Variants in CNGB1 observed in about 807,000 individuals in gnomAD.
The protein encoded by CNGB1 is cyclic nucleotide-gated channel beta-1.
In CNGB1, 126 loss-of-function variants were observed where a neutral mutation model predicts 151.7. The observed-to-expected ratio is 0.83, with a 90% CI of 0.72 to 0.96. CNGB1 has a LOEUF of 0.96. CNGB1 is among the 40% of genes least tolerant of loss of function. The pLI, the probability that CNGB1 is intolerant of heterozygous loss-of-function variation, is 0.00. For missense variants in CNGB1, 1,698 were observed against 1,627.0 expected, an observed-to-expected ratio of 1.04 and a Z score of -0.75; for synonymous variants, 623 against 635.1, an observed-to-expected ratio of 0.98 and a Z score of 0.29.
chr16:57,938,432 T>C (rs2149375467), intron 16 of CNGB1, among the ~76,000 whole-genome samples: 1 of 152,322 alleles, frequency 6.6e-6, no homozygotes, highest in South Asian at 2.1e-4. Flanking sequence ...CTCGTCCCAA[T>C]ATTGACTCCT....
chr16:57,903,428 G>A (rs1442886171), intron 27 of CNGB1, among the ~76,000 whole-genome samples: 2 of 151,968 alleles, frequency 1.3e-5, no homozygotes, highest in Admixed American at 6.6e-5. Flanking sequence ...GGAGATGGAG[G>A]TTGCAGTGAG....
At chr16:57,939,403 A>G (rs1389882877) in intron 16 of CNGB1, 27 bp downstream of exon 16, 3 of 1,613,582 alleles carry the variant, frequency 1.9e-6, no homozygotes. Context: ...TTCTTGCGCA[A>G]CCCATCACCA....
At position 57,957,310 on chromosome 16, in the gene CNGB1, G is replaced by A. The variant is rs372145777; in HGVS notation, c.874+31C>T. On this transcript the variant is annotated intron_variant, in intron 12 of 32. Transcript: ENST00000251102. ...GACACCAAGCAACCCTTCCTAATAT[G>A]TACATGGGGACTCAGTAATGTGTCA... 1.2e-4 allele frequency: 191 copies of A among 1,607,342 alleles called. 1 individual carries two copies. The highest frequency in any genetic ancestry group is 1.6e-4 in the Non-Finnish European group (185 of 1,173,902).
chr16:57,935,652 C>A (rs574563986), intron 16 of CNGB1, among the ~76,000 whole-genome samples: 11 of 150,244 alleles, frequency 7.3e-5, no homozygotes, highest in East Asian at 3.9e-4. Context: ...CGTCCCCCCC[C>A]AAAAAAAAAT....
At chr16:57,964,082 A>C in intron 4 of CNGB1, 48 bp downstream of exon 4, 1 of 1,551,454 alleles carries the variant, frequency 6.4e-7, no homozygotes, top group Non-Finnish European at 8.9e-7. Flanking sequence ...CTGGGAGGGT[A>C]GTTGGGAGGC....
chr16:57,969,556 T>C (rs1440564252), intron 1 of CNGB1, among the ~76,000 whole-genome samples: 2 of 152,014 alleles, frequency 1.3e-5, no homozygotes, highest in Admixed American at 1.3e-4. Context: ...AGGTGGAGAT[T>C]GCACTCAGCC....
In CNGB1 at chr16:57,960,064, C is replaced by T. The variant is rs530319460; in HGVS notation, c.585G>A (p.Ala195=). The change falls in exon 10 of 33, where the codon GCG becomes GCA. Residue 195 remains alanine, a splice_region_variant and synonymous_variant. Coordinates refer to ENST00000251102, the MANE Select transcript of CNGB1 (RefSeq NM_001297.5). ...AVATGAASDP[A]PPGRPQEMGP... ...CCATTTCCTGGGGGCGTCCTGGAGG[C>T]GCTAAGCAGCGGGGAAAGCAGGAGC... 3.4e-5 allele frequency: 52 copies of T among 1,549,708 alleles called. No homozygotes were observed. In the South Asian group the frequency reaches 4.1e-4, roughly 12 times the overall value.
chr16:57,964,690 G>T, intron 2 of CNGB1, 146 bp from the exon 3 acceptor site: 1 of 855,526 alleles, frequency 1.2e-6, no homozygotes. Context: ...AAATCCTGTT[G>T]GCCTTACCTT....
chr16:57,952,232 C>T (rs1163448127), intron 12 of CNGB1, among the ~76,000 whole-genome samples: 1 of 152,210 alleles, frequency 6.6e-6, no homozygotes, highest in African/African-American at 2.4e-5. Flanking sequence ...AGAGCCAGCT[C>T]AGAGAGGCTG....
Position 57,958,401 on chromosome 16 carries a change from A to G in CNGB1, c.837+9T>C. The stretch of plus-strand genomic sequence containing the variant: ...ACCAGGGCCACCACTCCATGAGCCC[A>G]GCACTGACCTGTTCCCCTATTTTCC... On this transcript the variant is annotated intron_variant, in intron 11 of 32. Transcript: ENST00000251102. 1 of 1,552,458 alleles carries G rather than the reference A, an allele frequency of 6.4e-7. No individual in the cohort carries two copies. Among genetic ancestry groups the G allele is most frequent in the Non-Finnish European group, 8.7e-7 (1 of 1,155,168 alleles).
In CNGB1 at chr16:57,901,324, T is replaced by A. The variant is rs756672457; in HGVS notation, c.2976+28A>T. 32 of 1,610,624 alleles carry A rather than the reference T, an allele frequency of 2.0e-5. 1 individual carries two copies. In the Admixed American group the frequency reaches 4.8e-4, roughly 24 times the overall value. The stretch of plus-strand genomic sequence containing the variant: ...AGCCAGGGGGATGGTGAACCCCAGA[T>A]CCCGTGGTGGCTGCCAGGCCAGCTC... On this transcript the variant is annotated intron_variant, in intron 29 of 32. Coordinates refer to ENST00000251102, the MANE Select transcript of CNGB1 (RefSeq NM_001297.5).
intron 2 of CNGB1, among the ~76,000 whole-genome samples, chr16:57,964,757 G>T (rs1035464541): frequency 6.6e-6 from 1 of 152,156 alleles, no homozygotes; most frequent in Non-Finnish European, 1.5e-5. Context: ...GGGGCTGGGG[G>T]CCCTCACAGC....
intron 25 of CNGB1, among the ~76,000 whole-genome samples, chr16:57,908,695 C>T (rs381327): frequency 0.57 from 86,612 of 152,070 alleles, 25,159 homozygotes; most frequent in African/African-American, 0.7. Flanking sequence ...CTTGGGGACT[C>T]CTCATCCCTC....
rs561024571 is a variant in CNGB1 at position 57,900,268 on chromosome 16, A to G, written c.2976+1084T>C. On this transcript the variant is annotated intron_variant, in intron 29 of 32. Transcript: ENST00000251102. ...CCTAAGGTTGCAGCTTTAAATTCTC[A>G]GGTCTCTGAAGCATACTTTTCCCCT... 4.6e-5 allele frequency among the ~76,000 whole-genome samples: 7 copies of G among 152,260 alleles called. No individual in the cohort carries two copies. In the South Asian group the frequency reaches 1.5e-3, roughly 32 times the overall value.
chr16:57,959,559 A>T (rs1962182916), intron 10 of CNGB1, among the ~76,000 whole-genome samples: 1 of 152,194 alleles, frequency 6.6e-6, no homozygotes, highest in African/African-American at 2.4e-5. Context: ...CAGAGATTGC[A>T]CCACTGCATT....
At position 57,887,902 on chromosome 16, in the gene CNGB1, G is replaced by C. The variant is rs376171765; in HGVS notation, c.3415C>G (p.Leu1139Val). The change falls in exon 32 of 33, where the codon CTG (leucine) becomes GTG (valine). Residue 1139 changes from leucine (L) to valine (V), a missense_variant. Transcript: ENST00000251102. ...LAHLRARLKE[L>V]AALEAAAKQQ... ...TTTGCAGCCGCCTCCAGCGCGGCCA[G>C]TTCTTTGAGCCGGGCCCGGAGGTGA... 33 of 1,614,198 alleles carry C rather than the reference G, an allele frequency of 2.0e-5. No homozygotes were observed. In the African/African-American group the frequency reaches 4.0e-4, roughly 20 times the overall value.
intron 29 of CNGB1, among the ~76,000 whole-genome samples, chr16:57,898,359 A>C (rs546381445): frequency 6.6e-6 from 1 of 151,794 alleles, no homozygotes; most frequent in African/African-American, 2.4e-5. Context: ...AATGGGAACA[A>C]CAATAACGAT....
chr16:57,911,634 G>A lies in CNGB1; in HGVS notation c.2492+119C>T, dbSNP rs189773427. 7.0e-5 allele frequency: 99 copies of A among 1,405,242 alleles called. No individual in the cohort carries two copies. The East Asian group carries it at 2.4e-3, about 34-fold the overall frequency. 87.0% of individuals were successfully genotyped at this position (1,405,242 alleles called of 1,614,324 possible). On this transcript the variant is annotated intron_variant, in intron 25 of 32. Coordinates refer to ENST00000251102, the MANE Select transcript of CNGB1 (RefSeq NM_001297.5). ...TTGTCATGCCAGTGATTGCTTAGGA[G>A]CAAAGTGGCCTTGGCAATACAGCAG...
In CNGB1 at chr16:57,945,909, T is replaced by C. The variant is rs541715643; in HGVS notation, c.1121+3444A>G. On this transcript the variant is annotated intron_variant, in intron 14 of 32. Coordinates refer to ENST00000251102, the MANE Select transcript of CNGB1 (RefSeq NM_001297.5). ...AGGGTTATGAAATCACCCACGTGGA[T>C]TGAGAAACCTTTTGCACAAAAATCC... Among the ~76,000 whole-genome samples the C allele has an allele frequency of 3.3e-4, 50 of 152,296 alleles. 1 individual carries two copies. The South Asian group carries it at 1.0e-2, about 30-fold the overall frequency.
Sources: gnomAD v4.1 joint callset for allele counts (sites outside exome capture counted in the v4.1 genomes callset) on GRCh38, gnomAD v4.1.1 for gene constraint, MANE v1.5 for transcripts, NCBI Gene and HGNC (gene_info 2026-07-23, HGNC 2026-07-21) for gene names.